Variants in PLB1 observed in about 807,000 individuals in gnomAD.
PLB1 encodes phospholipase B1.
Under a neutral mutation model 227.4 loss-of-function variants are expected in PLB1, and 242 were observed. The observed-to-expected ratio is 1.06, with a 90% CI of 0.96 to 1.18. PLB1 has a LOEUF of 1.18. PLB1 is among the 50% of genes most tolerant of loss of function. The pLI, the probability that PLB1 is intolerant of heterozygous loss-of-function variation, is 0.00. For synonymous variants in PLB1, 757 were observed against 682.2 expected (o/e 1.11, Z -1.71); for missense variants, 1,858 against 1,816.3 (o/e 1.02, Z -0.42).
intron 57 of PLB1, among the ~76,000 whole-genome samples, chr2:28,641,261 GGT>G (rs1247378825): frequency 6.6e-6 from 1 of 152,128 alleles, no homozygotes; most frequent in African/African-American, 2.4e-5. Flanking sequence ...AGCACTGGCG[GGT>G]GTCTCGGGTC....
At chr2:28,523,335 G>GTTTTTT (rs199936505) in intron 4 of PLB1, among the ~76,000 whole-genome samples, 10 of 116,888 alleles carry the variant, frequency 8.6e-5, no homozygotes, top group Non-Finnish European at 1.1e-4. Flanking sequence ...TATCTGCGAG[G>GTTTTTT]TTTTTTTTTT....
chr2:28,507,229 C>G lies in PLB1; in HGVS notation c.56-9579C>G, dbSNP rs193099708. Among the ~76,000 whole-genome samples, 520 of 152,306 alleles carry G rather than the reference C, an allele frequency of 3.4e-3. 12 individuals are homozygous for G. Among genetic ancestry groups the G allele is most frequent in the Non-Finnish European group, 8.2e-4 (56 of 68,024 alleles). On this transcript the variant is annotated intron_variant, in intron 1 of 57. Transcript: ENST00000327757. ...TTCTACAGGTTGCTCCTTCCTGGCT[C>G]TGGGTTGGCCTCAGCTGTCCCTGTC...
chr2:28,565,384 C>A lies in PLB1; in HGVS notation c.1280+31C>A, dbSNP rs769245744. On this transcript the variant is annotated intron_variant, in intron 19 of 57. Transcript: ENST00000327757. ...TGAGGGTGTGGCAAGGCCCCAAAGG[C>A]CCCTTCATTGCAGAGCAAGGGAAGC... 5.7e-6 allele frequency: 9 copies of A among 1,577,384 alleles called. No homozygotes were observed. In the East Asian group the frequency reaches 2.0e-4, roughly 36 times the overall value.
At position 28,626,339 on chromosome 2, in the gene PLB1, G is replaced by T. The variant is rs567884557; in HGVS notation, c.3580-89G>T. 1.7e-3 allele frequency: 1,798 copies of T among 1,049,214 alleles called. 6 individuals are homozygous for T. The highest frequency in any genetic ancestry group is 3.3e-3 in the Admixed American group (182 of 55,394). The allele number at this position is 1,049,214 out of a possible 1,614,324, so 65.0% of individuals were successfully genotyped here. A position where few individuals can be genotyped will look rare whatever the true frequency, so the allele number is the denominator to read the frequency against. The stretch of plus-strand genomic sequence containing the variant: ...TGTTACAGTATAAATAAGACAAAAG[G>T]CACTTGGAGGGCGGGCGGGCTGGCC... On this transcript the variant is annotated intron_variant, in intron 50 of 57. Transcript: ENST00000327757.
At chr2:28,575,326 C>G (rs2148259139) in intron 21 of PLB1, among the ~76,000 whole-genome samples, 1 of 152,160 alleles carries the variant, frequency 6.6e-6, no homozygotes, top group Non-Finnish European at 1.5e-5. Flanking sequence ...TAGAATTGAC[C>G]ATTCATGTCT....
intron 11 of PLB1, among the ~76,000 whole-genome samples, 177 bp downstream of exon 11, chr2:28,539,355 G>A (rs151163937): frequency 3.9e-5 from 6 of 152,232 alleles, no homozygotes; most frequent in African/African-American, 1.4e-4. Context: ...GGGTGGGGTG[G>A]GCCCTCTGCC....
chr2:28,511,694 C>G (rs1240321062), intron 1 of PLB1, among the ~76,000 whole-genome samples: 4 of 151,948 alleles, frequency 2.6e-5, no homozygotes, highest in Non-Finnish European at 5.9e-5. Flanking sequence ...ATTCTCTGTG[C>G]TTATCCTACT....
rs1382555540 is a variant in PLB1 at position 28,605,863 on chromosome 2, C to T, written c.2972C>T (p.Pro991Leu). 9.9e-6 allele frequency: 16 copies of T among 1,613,098 alleles called. 1 individual carries two copies. The African/African-American group carries it at 1.9e-4, about 19-fold the overall frequency. Residue 991 changes from proline (P) to leucine (L), a missense_variant, in exon 42 of 58, where the codon CCA becomes CTA. Transcript: ENST00000327757. ...ATTGGTCTCTTTCAGGATGGGCTCCCAGATACGTCCTTCTTTGCCCCAGAC... is the reference window on the plus strand; with the variant it reads ...ATTGGTCTCTTTCAGGATGGGCTCCTAGATACGTCCTTCTTTGCCCCAGAC... ...IQLPVLADGL[P>L]DTSFFAPDCI... is the part of the protein sequence containing the mutation.
chr2:28,520,153 C>A (rs1244534373), intron 4 of PLB1, among the ~76,000 whole-genome samples: 1 of 151,808 alleles, frequency 6.6e-6, no homozygotes, highest in Non-Finnish European at 1.5e-5. Flanking sequence ...GTCTCGAACT[C>A]CTGACCTCAG....
intron 26 of PLB1, among the ~76,000 whole-genome samples, chr2:28,587,752 A>G (rs1681149431): frequency 6.6e-6 from 1 of 152,180 alleles, no homozygotes; most frequent in East Asian, 1.9e-4. Flanking sequence ...ACAGGCAATG[A>G]TTGCTGAAGC....
At chr2:28,574,384 C>CT (rs70956023) in intron 21 of PLB1, among the ~76,000 whole-genome samples, 3,127 of 73,942 alleles carry the variant, frequency 0.042, 340 homozygotes, top group African/African-American at 0.16. Context: ...TTATATCATT[C>CT]TTTTTTTTTT....
intron 50 of PLB1, among the ~76,000 whole-genome samples, chr2:28,625,869 G>T (rs1388142570): frequency 2.0e-5 from 3 of 150,384 alleles, no homozygotes; most frequent in Non-Finnish European, 4.4e-5. Context: ...GGGGAAAATA[G>T]CCCTCCCTTG....
Position 28,582,416 on chromosome 2 carries a change from A to T in PLB1, c.1644A>T (p.Ala548=), listed in dbSNP as rs1442425877. 1 of 1,613,222 alleles carries T rather than the reference A, an allele frequency of 6.2e-7. No homozygotes were observed. Among genetic ancestry groups the T allele is most frequent in the African/African-American group, 1.3e-5 (1 of 75,032 alleles). Residue 548 remains alanine, a synonymous_variant, in exon 25 of 58, where the codon GCA becomes GCT. Transcript: ENST00000327757. ...TTGCCTTTTCTCAGGTTCCTCGGGC[A>T]TTTGTGAACCTGGTGACGGTGCTTG... ...LDILHAEVPR[A]FVNLVTVLEI...
In PLB1 at chr2:28,540,365, G is replaced by A. The variant is rs1243825279; in HGVS notation, c.699-1G>A. 1 of 1,613,926 alleles carries A rather than the reference G, an allele frequency of 6.2e-7. No homozygotes were observed. The highest frequency in any genetic ancestry group is 8.5e-7 in the Non-Finnish European group (1 of 1,179,896). ...CATTCCTGGTGTGTTTTAACCTGCAGCCCTGCACCAGAGCCCTGTAATTGC... is the reference window on the plus strand; with the variant it reads ...CATTCCTGGTGTGTTTTAACCTGCAACCCTGCACCAGAGCCCTGTAATTGC... On this transcript the variant is annotated splice_acceptor_variant, in intron 11 of 57. Coordinates refer to ENST00000327757, the MANE Select transcript of PLB1 (RefSeq NM_153021.5). LOFTEE classifies it high-confidence loss of function.
intron 17 of PLB1, among the ~76,000 whole-genome samples, chr2:28,558,645 G>A (rs1227944218): frequency 6.6e-6 from 1 of 152,088 alleles, no homozygotes; most frequent in African/African-American, 2.4e-5. Flanking sequence ...TAATCATGTG[G>A]AAGGGTGCAT....
At chr2:28,499,653 AGGTG>A (rs1268339643) in intron 1 of PLB1, among the ~76,000 whole-genome samples, 1 of 152,046 alleles carries the variant, frequency 6.6e-6, no homozygotes, top group Admixed American at 6.6e-5. Flanking sequence ...TGGGAGGCCG[AGGTG>A]GGTGCATCAC....
intron 46 of PLB1, among the ~76,000 whole-genome samples, chr2:28,620,025 G>T (rs555686992): frequency 6.6e-6 from 1 of 152,278 alleles, no homozygotes; most frequent in Non-Finnish European, 1.5e-5. Context: ...AAAGAAAGGG[G>T]CGGGTGCTAG....
At chr2:28,577,677 C>T (rs988935078) in intron 21 of PLB1, among the ~76,000 whole-genome samples, 1 of 152,178 alleles carries the variant, frequency 6.6e-6, no homozygotes, top group African/African-American at 2.4e-5. Flanking sequence ...CCCATCTCTA[C>T]TAAAAATACA....
intron 52 of PLB1, 129 bp from the exon 53 acceptor site, chr2:28,628,965 A>G (rs988211048): frequency 1.4e-6 from 1 of 723,920 alleles, no homozygotes; most frequent in African/African-American, 1.8e-5. Context: ...TACAAGTTGC[A>G]TCCCCTCTCT....
Sources: gnomAD v4.1 joint callset for allele counts (sites outside exome capture counted in the v4.1 genomes callset) on GRCh38, gnomAD v4.1.1 for gene constraint, MANE v1.5 for transcripts, NCBI Gene and HGNC (gene_info 2026-07-23, HGNC 2026-07-21) for gene names.